The following FILIP1L variants were observed in gnomAD, a reference collection of about 807,000 sequenced individuals.
The protein encoded by FILIP1L is filamin A interacting protein 1 like.
In FILIP1L, 55 loss-of-function variants were observed where a neutral mutation model predicts 96.6. That is an observed-to-expected ratio of 0.57 (90% CI 0.46 to 0.71). The LOEUF (loss-of-function observed/expected upper bound fraction) is 0.71, where lower values mean the gene tolerates loss of function less well. Among genes scored for constraint, FILIP1L ranks in the 30% least tolerant of loss-of-function variants. FILIP1L has a pLI of 0.00. For missense variants in FILIP1L, 1,304 were observed against 1,321.2 expected (o/e 0.99, Z 0.20); for synonymous variants, 467 against 473.9 (o/e 0.99, Z 0.19).
intron 1 of FILIP1L, among the ~76,000 whole-genome samples, chr3:100,019,727 A>T (rs563362767): frequency 6.6e-6 from 1 of 152,144 alleles, no homozygotes; most frequent in East Asian, 1.9e-4. Flanking sequence ...TTTGTGTAAG[A>T]CTGCGATTCA....
intron 1 of FILIP1L, among the ~76,000 whole-genome samples, chr3:99,957,485 C>A (rs142473916): frequency 9.0e-4 from 137 of 151,950 alleles, no homozygotes; most frequent in African/African-American, 3.0e-3. Context: ...CATGAAAGAT[C>A]CTCATTAGGT....
intron 1 of FILIP1L, among the ~76,000 whole-genome samples, chr3:99,942,177 G>A (rs1707870760): frequency 1.3e-5 from 2 of 151,822 alleles, no homozygotes; most frequent in Non-Finnish European, 2.9e-5. Flanking sequence ...ACTCCAGCCT[G>A]GGTGAGAGAC....
At chr3:100,079,178 T>A (rs1160746543) in intron 1 of FILIP1L, among the ~76,000 whole-genome samples, 1 of 152,234 alleles carries the variant, frequency 6.6e-6, no homozygotes, top group East Asian at 1.9e-4. Flanking sequence ...GCATGGTGAC[T>A]GGCTTACGAG....
At chr3:99,987,528 CAAAA>C (rs1209242716) in intron 1 of FILIP1L, among the ~76,000 whole-genome samples, 1 of 57,160 alleles carries the variant, frequency 1.7e-5, no homozygotes. Flanking sequence ...GATTCTGTCT[CAAAA>C]AAAAAAAAAA....
chr3:99,860,661 A>C (rs1284183994), intron 4 of FILIP1L, among the ~76,000 whole-genome samples: 2 of 152,184 alleles, frequency 1.3e-5, no homozygotes, highest in Non-Finnish European at 2.9e-5. Flanking sequence ...GACACTGTCC[A>C]TGCTGCTATG....
At chr3:99,928,013 G>A (rs969876723) in intron 3 of FILIP1L, among the ~76,000 whole-genome samples, 2 of 152,078 alleles carry the variant, frequency 1.3e-5, no homozygotes, top group Admixed American at 6.5e-5. Context: ...GATTTTTTAG[G>A]TTTTTCAAAA....
chr3:99,890,597 T>A lies in FILIP1L; in HGVS notation c.605+33633A>T, dbSNP rs146887580. ...CTGTGCAATTTCTTTGAATTTTTCT[T>A]CCAGTTTACTAATTCTCATTCCTTG... On this transcript the variant is annotated intron_variant, in intron 4 of 5. Transcript: ENST00000477258. Among the ~76,000 whole-genome samples, 837 of 152,276 alleles carry A rather than the reference T, an allele frequency of 5.5e-3. 19 individuals are homozygous for A. The highest frequency in any genetic ancestry group is 0.038 in the Admixed American group (586 of 15,296).
intron 5 of FILIP1L, 26 bp from the exon 6 acceptor site, chr3:99,830,631 G>A: frequency 2.2e-6 from 1 of 456,054 alleles, no homozygotes; most frequent in South Asian, 1.6e-5. Context: ...AGAACAAAAG[G>A]TAATTAATGG....
rs1025067599 is a variant in FILIP1L, at chr3:100,110,869, A to G, written c.-11+3184T>C. ...GAAAATTGTCTGATCTGATGTGACA[A>G]TGTTTTATGTTGCTAGGCTGGTGGT... On this transcript the variant is annotated intron_variant, in intron 1 of 5. Transcript: ENST00000477258. 4.6e-5 allele frequency among the ~76,000 whole-genome samples: 7 copies of G among 152,154 alleles called. No homozygotes were observed. In the East Asian group the frequency reaches 1.2e-3, roughly 25 times the overall value.
intron 4 of FILIP1L, among the ~76,000 whole-genome samples, chr3:99,902,113 CTAAG>C (rs1321241268): frequency 6.6e-6 from 1 of 152,040 alleles, no homozygotes; most frequent in Non-Finnish European, 1.5e-5. Flanking sequence ...CACTGACCTC[CTAAG>C]TAATAGAAAT....
chr3:100,084,980 C>G (rs185376804), intron 1 of FILIP1L, among the ~76,000 whole-genome samples: 2 of 152,306 alleles, frequency 1.3e-5, no homozygotes, highest in African/African-American at 2.4e-5. Flanking sequence ...CTGTCCATGT[C>G]TTTAGCTTCA....
intron 1 of FILIP1L, among the ~76,000 whole-genome samples, chr3:100,070,858 T>C (rs1341025514): frequency 6.6e-6 from 1 of 152,192 alleles, no homozygotes; most frequent in Non-Finnish European, 1.5e-5. Flanking sequence ...CACGAACTCC[T>C]GACTTCAGGC....
At chr3:100,039,546 G>C (rs916466771) in intron 1 of FILIP1L, among the ~76,000 whole-genome samples, 4 of 152,202 alleles carry the variant, frequency 2.6e-5, no homozygotes, top group East Asian at 1.9e-4. Flanking sequence ...GGGATACCAG[G>C]AGTACCTTGG....
chr3:100,106,148 C>G (rs2066391519), intron 1 of FILIP1L, among the ~76,000 whole-genome samples: 1 of 152,072 alleles, frequency 6.6e-6, no homozygotes, highest in Admixed American at 6.6e-5. Flanking sequence ...CAATCAGATA[C>G]AGATACCACA....
At chr3:99,983,622 G>A (rs1417772755) in intron 1 of FILIP1L, among the ~76,000 whole-genome samples, 5 of 147,072 alleles carry the variant, frequency 3.4e-5, no homozygotes, top group African/African-American at 7.6e-5. Context: ...CCGGGGAGGC[G>A]GAGGTTGCCA....
chr3:99,880,508 C>T (rs1487703430), intron 4 of FILIP1L, among the ~76,000 whole-genome samples: 1 of 152,124 alleles, frequency 6.6e-6, no homozygotes. Context: ...AATTATTCTG[C>T]TCATACTTCA....
intron 1 of FILIP1L, among the ~76,000 whole-genome samples, chr3:99,971,466 A>C (rs1481190038): frequency 6.6e-6 from 1 of 152,210 alleles, no homozygotes; most frequent in Non-Finnish European, 1.5e-5. Flanking sequence ...TGTCTGTAGA[A>C]TCTGGGTAGA....
intron 1 of FILIP1L, among the ~76,000 whole-genome samples, chr3:100,029,551 G>A (rs1262836058): frequency 6.6e-6 from 1 of 152,174 alleles, no homozygotes; most frequent in Non-Finnish European, 1.5e-5. Context: ...ATTAATTGGA[G>A]TTTATTAAAG....
At chr3:100,101,571 C>T (rs1054071521) in intron 1 of FILIP1L, among the ~76,000 whole-genome samples, 4 of 152,114 alleles carry the variant, frequency 2.6e-5, no homozygotes, top group Non-Finnish European at 5.9e-5. Context: ...AACACATGCA[C>T]TCTCTGATCC....
Sources: allele counts gnomAD v4.1 joint callset (sites outside exome capture counted in the v4.1 genomes callset), GRCh38; gene constraint gnomAD v4.1.1; transcripts MANE v1.5; gene names NCBI Gene and HGNC (gene_info 2026-07-23, HGNC 2026-07-21).